Variants in MBD5 observed in about 807,000 individuals in gnomAD.
The protein encoded by MBD5 is methyl-CpG-binding domain protein 5.
A neutral mutation model predicts 117.3 loss-of-function variants in MBD5; 13 were observed. That is an observed-to-expected ratio of 0.11 (90% confidence interval 0.07 to 0.18). MBD5 has a LOEUF of 0.18. Ranked by LOEUF, MBD5 falls within the 10% of genes least tolerant of loss-of-function variation. The pLI is 1.00. For missense variants in MBD5, 1,879 were observed against 2,093.8 expected (o/e 0.90, Z 2.00); for synonymous variants, 727 against 766.4 (o/e 0.95, Z 0.85).
chr2:148,458,973 A>G, intron 5 of MBD5, 102 bp downstream of exon 5: 1 of 941,212 alleles, frequency 1.1e-6, no homozygotes, highest in Non-Finnish European at 1.7e-6. Context: ...AAATGTGAAA[A>G]AGTGACCTTT....
At chr2:148,144,368 T>C (rs1174021835) in intron 1 of MBD5, among the ~76,000 whole-genome samples, 2 of 152,072 alleles carry the variant, frequency 1.3e-5, no homozygotes. Context: ...GATGAGTAGA[T>C]TGCAAAAATT....
At chr2:148,128,530 T>C (rs1455553264) in intron 1 of MBD5, among the ~76,000 whole-genome samples, 1 of 152,194 alleles carries the variant, frequency 6.6e-6, no homozygotes, top group East Asian at 1.9e-4. Context: ...CACATTTCTA[T>C]GTCATGGACT....
intron 4 of MBD5, among the ~76,000 whole-genome samples, chr2:148,400,780 C>G (rs919313009): frequency 1.3e-5 from 2 of 152,112 alleles, no homozygotes; most frequent in Admixed American, 1.3e-4. Flanking sequence ...ATGTCATATA[C>G]TATAAATTAT....
Position 148,356,887 on chromosome 2 carries a change from C to CTCT in MBD5, c.-557+14553_-557+14555dup, listed in dbSNP as rs1703393714. ...GGTGCTATTTCAACCCACATTTTTTCTCTTTTCTTTTCTTTTTTTTTAATT... is the reference window on the plus strand; with the variant it reads ...GGTGCTATTTCAACCCACATTTTTTCTCTTCTTTTCTTTTCTTTTTTTTTAATT... On this transcript the variant is annotated intron_variant, in intron 4 of 13. Transcript: ENST00000642680. Among the ~76,000 whole-genome samples, 3 of 150,864 alleles carry CTCT rather than the reference C, an allele frequency of 2.0e-5. No homozygotes were observed. The South Asian group carries it at 6.3e-4, about 32-fold the overall frequency.
intron 1 of MBD5, among the ~76,000 whole-genome samples, chr2:148,081,408 A>T (rs1695644428): frequency 6.6e-6 from 1 of 152,208 alleles, no homozygotes; most frequent in Non-Finnish European, 1.5e-5. Context: ...ATATGCACAG[A>T]TATTTCCAGT....
At chr2:148,212,774 A>G (rs1191425364) in intron 2 of MBD5, among the ~76,000 whole-genome samples, 1 of 152,026 alleles carries the variant, frequency 6.6e-6, no homozygotes, top group African/African-American at 2.4e-5. Context: ...AATTTTTAGC[A>G]TATTCATTTT....
Position 148,489,403 on chromosome 2 carries a change from T to C in MBD5, c.3771T>C (p.Asp1257=), listed in dbSNP as rs780699486. The stretch of plus-strand genomic sequence containing the variant: ...TCTTCAAGGTGAGAATGCAGGAAGA[T>C]GCAGCTCTCCTAAACAAAAGAATAA... ...FQNFQVRMQE[D]AALLNKRIST... Residue 1257 remains aspartate (D), a synonymous_variant, in exon 11 of 14, where the codon GAT becomes GAC. Transcript: ENST00000642680. The C allele has an allele frequency of 1.3e-5, 21 of 1,614,076 alleles. No individual in the cohort carries two copies. The East Asian group carries it at 4.2e-4, about 33-fold the overall frequency.
intron 4 of MBD5, among the ~76,000 whole-genome samples, chr2:148,367,962 A>C (rs1703750764): frequency 6.6e-6 from 1 of 152,208 alleles, no homozygotes; most frequent in Non-Finnish European, 1.5e-5. Flanking sequence ...TTGACCCAGC[A>C]ATCCCATTAC....
At chr2:148,265,093 A>T (rs1700826228) in intron 3 of MBD5, 1 of 152,126 alleles carries the variant, frequency 6.6e-6, no homozygotes, top group Non-Finnish European at 1.5e-5. Context: ...AAACACACAT[A>T]TTCGATGATT....
intron 4 of MBD5, chr2:148,447,457 A>G (rs1374913673): frequency 2.6e-5 from 4 of 152,174 alleles, no homozygotes; most frequent in African/African-American, 9.6e-5. Flanking sequence ...TATCCTTTTG[A>G]AGAAACTATG....
intron 4 of MBD5, among the ~76,000 whole-genome samples, chr2:148,419,725 C>T (rs956956675): frequency 2.0e-5 from 3 of 152,092 alleles, no homozygotes; most frequent in African/African-American, 7.2e-5. Flanking sequence ...TATCCAGCCA[C>T]CCTCTACCTA....
intron 1 of MBD5, among the ~76,000 whole-genome samples, chr2:148,072,735 T>C (rs1284350751): frequency 6.6e-6 from 1 of 152,202 alleles, no homozygotes; most frequent in Non-Finnish European, 1.5e-5. Context: ...ATACATCAGA[T>C]TTAGTTATTA....
At chr2:148,083,562 G>A (rs185353399) in intron 1 of MBD5, among the ~76,000 whole-genome samples, 4 of 152,004 alleles carry the variant, frequency 2.6e-5, no homozygotes, top group African/African-American at 9.6e-5. Flanking sequence ...ATAGAGGATC[G>A]CAATCAAGGT....
intron 1 of MBD5, among the ~76,000 whole-genome samples, chr2:148,159,566 G>T (rs565326280): frequency 2.0e-5 from 3 of 152,014 alleles, no homozygotes; most frequent in Admixed American, 6.5e-5. Context: ...GTTTACAGGC[G>T]TGAGTCACCA....
intron 1 of MBD5, among the ~76,000 whole-genome samples, chr2:148,176,435 T>G (rs752252124): frequency 8.6e-4 from 130 of 151,736 alleles, no homozygotes; most frequent in Non-Finnish European, 1.3e-3. Flanking sequence ...GACAGAGTCT[T>G]GCTCTGTTGC....
chr2:148,459,429 T>C (rs900848818), intron 5 of MBD5, among the ~76,000 whole-genome samples: 2 of 152,174 alleles, frequency 1.3e-5, no homozygotes, highest in African/African-American at 4.8e-5. Flanking sequence ...AAATGCCTAC[T>C]CTTTTCAATG....
chr2:148,199,753 C>A (rs1699089709), intron 2 of MBD5, among the ~76,000 whole-genome samples: 1 of 151,206 alleles, frequency 6.6e-6, no homozygotes, highest in Non-Finnish European at 1.5e-5. Flanking sequence ...GAGTAAGACC[C>A]TGTCTCAAAA....
chr2:148,474,292 T>C (rs1299943488), intron 8 of MBD5, among the ~76,000 whole-genome samples: 1 of 152,104 alleles, frequency 6.6e-6, no homozygotes, highest in African/African-American at 2.4e-5. Flanking sequence ...CAAAAACACA[T>C]GCCAGTAACC....
At chr2:148,334,019 TTTTG>T (rs1468451967) in intron 3 of MBD5, among the ~76,000 whole-genome samples, 8 of 152,222 alleles carry the variant, frequency 5.3e-5, no homozygotes, top group Non-Finnish European at 1.0e-4. Flanking sequence ...TTCTTCTTTT[TTTTG>T]TTTATTTATT....
Sources: allele counts gnomAD v4.1 joint callset (sites outside exome capture counted in the v4.1 genomes callset), GRCh38; gene constraint gnomAD v4.1.1; transcripts MANE v1.5; gene names NCBI Gene and HGNC (gene_info 2026-07-23, HGNC 2026-07-21).